The following TSHZ2 variants were observed in gnomAD, a reference collection of about 807,000 sequenced individuals.
TSHZ2 encodes the protein teashirt homolog 2.
Under a neutral mutation model 74.4 loss-of-function variants are expected in TSHZ2, and 21 were observed. That is an observed-to-expected ratio of 0.28 (90% confidence interval 0.20 to 0.41). The LOEUF (loss-of-function observed/expected upper bound fraction) is 0.41, where lower values mean the gene tolerates loss of function less well. Among genes scored for constraint, TSHZ2 ranks in the 10% least tolerant of loss-of-function variants. The pLI, the probability that TSHZ2 is intolerant of heterozygous loss-of-function variation, is 1.00. For synonymous variants in TSHZ2, 540 were observed against 515.3 expected, an observed-to-expected ratio of 1.05 and a Z score of -0.65; for missense variants, 1,244 against 1,293.5, an observed-to-expected ratio of 0.96 and a Z score of 0.59.
intron 2 of TSHZ2, among the ~76,000 whole-genome samples, chr20:53,264,070 C>A (rs1264673450): frequency 6.6e-6 from 1 of 152,218 alleles, no homozygotes; most frequent in Non-Finnish European, 1.5e-5. Context: ...TTGCCTTCTA[C>A]TAATACATCT....
At chr20:53,420,582 C>T (rs554252444) in intron 2 of TSHZ2, among the ~76,000 whole-genome samples, 108 of 152,124 alleles carry the variant, frequency 7.1e-4, no homozygotes, top group African/African-American at 2.4e-3. Context: ...AAAAATTAGC[C>T]GGGCTTAGTG....
At chr20:53,144,511 A>G (rs1368636786) in intron 1 of TSHZ2, among the ~76,000 whole-genome samples, 1 of 152,210 alleles carries the variant, frequency 6.6e-6, no homozygotes, top group Non-Finnish European at 1.5e-5. Context: ...AATAACAGCA[A>G]ACGCTTATAC....
chr20:53,130,716 GAGA>G (rs1393443932), intron 1 of TSHZ2, among the ~76,000 whole-genome samples: 2 of 152,218 alleles, frequency 1.3e-5, no homozygotes, highest in Non-Finnish European at 1.5e-5. Context: ...GTGGTTAGGA[GAGA>G]AGATCTCAGT....
At chr20:53,166,846 A>G (rs555094718) in intron 1 of TSHZ2, among the ~76,000 whole-genome samples, 1 of 152,198 alleles carries the variant, frequency 6.6e-6, no homozygotes, top group Non-Finnish European at 1.5e-5. Context: ...CTTACAATCA[A>G]TGGTTTGAAA....
chr20:53,476,343 G>A (rs1380070521), intron 2 of TSHZ2, among the ~76,000 whole-genome samples: 2 of 146,656 alleles, frequency 1.4e-5, no homozygotes, highest in Non-Finnish European at 3.0e-5. Flanking sequence ...TGGGATGCAA[G>A]GCTGGTTCAA....
At chr20:52,982,102 T>C (rs1981588529) in intron 1 of TSHZ2, among the ~76,000 whole-genome samples, 4 of 152,198 alleles carry the variant, frequency 2.6e-5, no homozygotes, top group Admixed American at 2.0e-4. Flanking sequence ...GAGATGTAGA[T>C]GGTCAGGGGA....
intron 2 of TSHZ2, among the ~76,000 whole-genome samples, chr20:53,441,226 TTTTA>T: frequency 2.5e-5 from 1 of 40,778 alleles, no homozygotes; most frequent in African/African-American, 2.1e-4. Flanking sequence ...TATTTGTTTA[TTTTA>T]TTTTATTTTA....
At chr20:53,406,321 AAG>A in intron 2 of TSHZ2, among the ~76,000 whole-genome samples, 1 of 152,350 alleles carries the variant, frequency 6.6e-6, no homozygotes, top group East Asian at 1.9e-4. Flanking sequence ...ATTTTGCTCT[AAG>A]AATGACAGAA....
intron 1 of TSHZ2, among the ~76,000 whole-genome samples, chr20:53,240,351 G>A (rs759049782): frequency 6.6e-6 from 1 of 152,096 alleles, no homozygotes; most frequent in Non-Finnish European, 1.5e-5. Context: ...CACTTATTGG[G>A]AAGCAACCAT....
At chr20:53,109,161 C>G (rs1212806613) in intron 1 of TSHZ2, among the ~76,000 whole-genome samples, 1 of 152,162 alleles carries the variant, frequency 6.6e-6, no homozygotes, top group Non-Finnish European at 1.5e-5. Context: ...AAATACACTT[C>G]CGTACTTCAG....
intron 2 of TSHZ2, among the ~76,000 whole-genome samples, chr20:53,394,886 AG>A (rs1325091307): frequency 9.1e-4 from 126 of 139,214 alleles, no homozygotes; most frequent in Middle Eastern, 3.6e-3. Context: ...AAAAAAAAAA[AG>A]ATCCAAAGTC....
At chr20:53,051,249 G>C (rs545192725) in intron 1 of TSHZ2, among the ~76,000 whole-genome samples, 2 of 152,160 alleles carry the variant, frequency 1.3e-5, no homozygotes, top group African/African-American at 2.4e-5. Flanking sequence ...TGAGGCAGAA[G>C]ACCTGCTTGA....
At chr20:53,019,393 C>G (rs555099529) in intron 1 of TSHZ2, among the ~76,000 whole-genome samples, 42 of 152,216 alleles carry the variant, frequency 2.8e-4, no homozygotes, top group African/African-American at 1.0e-3. Flanking sequence ...GGAGCTTTCA[C>G]TGTTGGGGCT....
chr20:53,167,989 G>A (rs1369867933), intron 1 of TSHZ2, among the ~76,000 whole-genome samples: 1 of 152,202 alleles, frequency 6.6e-6, no homozygotes. Flanking sequence ...ATCTGGCAGG[G>A]AGTGGCAATA....
chr20:53,249,634 A>G (rs1990280298), intron 1 of TSHZ2, among the ~76,000 whole-genome samples: 1 of 152,194 alleles, frequency 6.6e-6, no homozygotes, highest in South Asian at 2.1e-4. Context: ...GGTCAGAAAA[A>G]TCTGCAAAGG....
chr20:53,279,881 G>C (rs1428730424), intron 2 of TSHZ2, among the ~76,000 whole-genome samples: 2 of 152,238 alleles, frequency 1.3e-5, no homozygotes, highest in Non-Finnish European at 2.9e-5. Context: ...AGCCACAAAT[G>C]AGAAGAAGAG....
At position 53,210,155 on chromosome 20, in the gene TSHZ2, G is replaced by A. The variant is rs114390741; in HGVS notation, c.41-43344G>A. ...AAACCCCTGAGGGGTGGGGGAGCAC[G>A]CAGACAGACAGGTGCAGGAGCCCGA... On this transcript the variant is annotated intron_variant, in intron 1 of 2. Coordinates refer to ENST00000371497, the MANE Select transcript of TSHZ2 (RefSeq NM_173485.6). Among the ~76,000 whole-genome samples the A allele has an allele frequency of 1.8e-3, 267 of 152,370 alleles. 1 individual carries two copies. Among genetic ancestry groups the A allele is most frequent in the African/African-American group, 6.1e-3 (255 of 41,600 alleles).
intron 2 of TSHZ2, among the ~76,000 whole-genome samples, chr20:53,484,824 T>C (rs1395922838): frequency 6.6e-6 from 1 of 152,212 alleles, no homozygotes; most frequent in Admixed American, 6.5e-5. Context: ...TAGTTTCAAA[T>C]GTCTGTTATG....
intron 2 of TSHZ2, among the ~76,000 whole-genome samples, chr20:53,460,591 G>C (rs1382998735): frequency 6.6e-6 from 1 of 152,214 alleles, no homozygotes; most frequent in Non-Finnish European, 1.5e-5. Context: ...TTGCTGGTGA[G>C]GAGCTGCGTT....
Sources: gnomAD v4.1 joint callset for allele counts (sites outside exome capture counted in the v4.1 genomes callset) on GRCh38, gnomAD v4.1.1 for gene constraint, MANE v1.5 for transcripts, NCBI Gene and HGNC (gene_info 2026-07-23, HGNC 2026-07-21) for gene names.